TRDMT1: variants seen among roughly 807,000 people sequenced by gnomAD.
The protein encoded by TRDMT1 is tRNA aspartic acid methyltransferase 1.
TRDMT1 carries 49 observed loss-of-function variants against 51.2 expected under a neutral mutation model. The ratio of observed to expected loss-of-function variants is 0.96; its 90% confidence interval spans 0.76 to 1.21. The LOEUF is 1.21. TRDMT1 is among the 50% of genes most tolerant of loss of function. The probability of loss-of-function intolerance (pLI) is 0.00; values close to 1 mark genes in which losing one functional copy is unlikely to be tolerated. For synonymous variants in TRDMT1, 187 were observed against 164.6 expected (o/e 1.14, Z -1.04); for missense variants, 534 against 462.3 (o/e 1.16, Z -1.42).
At chr10:17,166,112 G>T (rs1324752293) in intron 3 of TRDMT1, among the ~76,000 whole-genome samples, 1 of 152,052 alleles carries the variant, frequency 6.6e-6, no homozygotes, top group African/African-American at 2.4e-5. Context: ...CAAAGACTTG[G>T]AACCAACCCA....
At chr10:17,186,809 A>G (rs373320128) in intron 1 of TRDMT1, among the ~76,000 whole-genome samples, 4 of 152,220 alleles carry the variant, frequency 2.6e-5, no homozygotes, top group African/African-American at 9.6e-5. Context: ...TAATTCGAAC[A>G]AATACTGTAC....
At position 17,148,901 on chromosome 10, in the gene TRDMT1, T is replaced by A; in HGVS notation, c.*139A>T. 1 of 1,288,570 alleles carries A rather than the reference T, an allele frequency of 7.8e-7. No individual in the cohort carries two copies. The allele number at this position is 1,288,570 out of a possible 1,614,324, so 79.8% of individuals were successfully genotyped here. A position where few individuals can be genotyped will look rare whatever the true frequency, so the allele number is the denominator to read the frequency against. The stretch of plus-strand genomic sequence containing the variant: ...TGATGAAACACATGGATTTTTTTAA[T>A]AAAATCCAAATTTCTTAATAAGGAC... On this transcript the variant is annotated 3_prime_UTR_variant, in exon 11 of 11. Transcript: ENST00000377799.
rs955583242 is a variant in TRDMT1, at chr10:17,139,091, G to A, written c.*9949C>T. The A allele has an allele frequency of 2.6e-5, 21 of 816,370 alleles. No individual in the cohort carries two copies. The highest frequency in any genetic ancestry group is 3.1e-5 in the Non-Finnish European group (21 of 675,356). The allele number at this position is 816,370 out of a possible 1,614,324, so 50.6% of individuals were successfully genotyped here. On this transcript the variant is annotated 3_prime_UTR_variant, in exon 11 of 11. Coordinates refer to ENST00000377799, the MANE Select transcript of TRDMT1 (RefSeq NM_004412.7). Reference sequence around the variant, plus strand: ...CTCTACCTCCAACAGCTCCCGGAATGGGGACTTCAGCAGCTCCATTGGATT... The same window carrying A: ...CTCTACCTCCAACAGCTCCCGGAATAGGGACTTCAGCAGCTCCATTGGATT...
In TRDMT1 at chr10:17,143,943, A is replaced by G; in HGVS notation, c.*5097T>C. 1 of 985,472 alleles carries G rather than the reference A, an allele frequency of 1.0e-6. No individual in the cohort carries two copies. Among genetic ancestry groups the G allele is most frequent in the Non-Finnish European group, 1.2e-6 (1 of 829,948 alleles). The allele number at this position is 985,472 out of a possible 1,614,324, so 61.0% of individuals were successfully genotyped here. A position where few individuals can be genotyped will look rare whatever the true frequency, so the allele number is the denominator to read the frequency against. On this transcript the variant is annotated 3_prime_UTR_variant, in exon 11 of 11. Transcript: ENST00000377799. ...GATGCAAATCCGATACAACTTGAAT[A>G]GCAAGATATCCAAGTTAAAAATGTC...
rs539713420 is a variant in TRDMT1 at position 17,172,949 on chromosome 10, C to A, written c.174+1602G>T. ...CAAGTAAAAGATGCATCTTGTAAAC[C>A]CTAGAGAATCCAACAGGAAAATAAA... On this transcript the variant is annotated intron_variant, in intron 2 of 10. Coordinates refer to ENST00000377799, the MANE Select transcript of TRDMT1 (RefSeq NM_004412.7). 1.1e-4 allele frequency among the ~76,000 whole-genome samples: 17 copies of A among 151,770 alleles called. No individual in the cohort carries two copies. The South Asian group carries it at 3.3e-3, about 30-fold the overall frequency.
Position 17,141,681 on chromosome 10 carries a change from A to G in TRDMT1, c.*7359T>C, listed in dbSNP as rs2131348625. Among the ~76,000 whole-genome samples the G allele has an allele frequency of 6.6e-6, 1 of 152,258 alleles. No individual in the cohort carries two copies. Among genetic ancestry groups the G allele is most frequent in the East Asian group, 1.9e-4 (1 of 5,178 alleles). ...AGGTAAATTCTACTGATCCGTCCTT[A>G]GGTTCACTGATTTCTATCTTCTGTC... On this transcript the variant is annotated 3_prime_UTR_variant, in exon 11 of 11. Transcript: ENST00000377799.
At chr10:17,187,924 G>A (rs988362196) in intron 1 of TRDMT1, among the ~76,000 whole-genome samples, 19 of 152,064 alleles carry the variant, frequency 1.2e-4, no homozygotes, top group African/African-American at 4.3e-4. Context: ...AAATGTTTAA[G>A]GATGTAGCCA....
intron 4 of TRDMT1, 44 bp downstream of exon 4, chr10:17,162,122 G>A (rs1388566977): frequency 6.5e-7 from 1 of 1,526,824 alleles, no homozygotes; most frequent in Non-Finnish European, 9.0e-7. Context: ...CAGACCTGGA[G>A]TTTCAAATGA....
In TRDMT1 at chr10:17,201,575, C is replaced by T. The variant is rs747082088; in HGVS notation, c.60G>A (p.Leu20=). ...YSGVGGMHHA[L]RESCIPAQVV... is the part of the protein sequence containing the mutation. ...GGGTGCTAGATGGACTCTCACCTCT[C>T]AGCGCGTGGTGCATGCCGCCCACGC... The change falls in exon 1 of 11, where the codon CTG becomes CTA. Residue 20 remains leucine, a synonymous_variant. Coordinates refer to ENST00000377799, the MANE Select transcript of TRDMT1 (RefSeq NM_004412.7). 6.5e-7 allele frequency: 1 copy of T among 1,549,916 alleles called. No homozygotes were observed. The highest frequency in any genetic ancestry group is 8.7e-7 in the Non-Finnish European group (1 of 1,146,280).
intron 1 of TRDMT1, among the ~76,000 whole-genome samples, chr10:17,175,306 AT>A: frequency 6.6e-6 from 1 of 152,366 alleles, no homozygotes; most frequent in East Asian, 1.9e-4. Flanking sequence ...GGAAATAATT[AT>A]AAAGGAATGC....
At chr10:17,172,713 A>C (rs1435850136) in intron 2 of TRDMT1, among the ~76,000 whole-genome samples, 1 of 152,218 alleles carries the variant, frequency 6.6e-6, no homozygotes, top group Admixed American at 6.5e-5. Flanking sequence ...TATATAGATA[A>C]ATATAAAAGA....
At chr10:17,196,201 T>C (rs2131626752) in intron 1 of TRDMT1, among the ~76,000 whole-genome samples, 1 of 152,332 alleles carries the variant, frequency 6.6e-6, no homozygotes, top group East Asian at 1.9e-4. Flanking sequence ...AAAGAAAATA[T>C]TAAGGCTGAG....
At position 17,149,152 on chromosome 10, in the gene TRDMT1, A is replaced by G. The variant is rs144996492; in HGVS notation, c.1076-12T>C. On this transcript the variant is annotated splice_polypyrimidine_tract_variant and intron_variant, in intron 10 of 10. Transcript: ENST00000377799. ...CTTCTCAGGAAATCCTAAAAAGACA[A>G]AGAACAATTTAAAGAAATCATTTGT... The G allele has an allele frequency of 1.9e-6, 3 of 1,584,394 alleles. No individual in the cohort carries two copies. The East Asian group carries it at 6.7e-5, about 36-fold the overall frequency.
Position 17,146,168 on chromosome 10 carries a change from C to T in TRDMT1, c.*2872G>A, listed in dbSNP as rs931341701. The T allele has an allele frequency of 1.0e-6, 1 of 985,444 alleles. No individual in the cohort carries two copies. The allele number at this position is 985,444 out of a possible 1,614,324, so 61.0% of individuals were successfully genotyped here. ...TTGGATAATTTCAAGCAACAGTTTA[C>T]CCTCAAATTTCTAAAAAAGTGCTGG... On this transcript the variant is annotated 3_prime_UTR_variant, in exon 11 of 11. Transcript: ENST00000377799.
At chr10:17,198,808 G>A (rs2131638953) in intron 1 of TRDMT1, among the ~76,000 whole-genome samples, 1 of 152,280 alleles carries the variant, frequency 6.6e-6, no homozygotes, top group Non-Finnish European at 1.5e-5. Flanking sequence ...TTCATGTTGT[G>A]TTTTACCACA....
chr10:17,147,184 G>A lies in TRDMT1; in HGVS notation c.*1856C>T. The A allele has an allele frequency of 1.0e-6, 1 of 985,806 alleles. No homozygotes were observed. The highest frequency in any genetic ancestry group is 1.2e-6 in the Non-Finnish European group (1 of 829,894). The allele number at this position is 985,806 out of a possible 1,614,324, so 61.1% of individuals were successfully genotyped here. A position where few individuals can be genotyped will look rare whatever the true frequency, so the allele number is the denominator to read the frequency against. On this transcript the variant is annotated 3_prime_UTR_variant, in exon 11 of 11. Transcript: ENST00000377799. ...CCATTTTATTTAGAATATTTCAGCA[G>A]TGAACAGAACCTACATGAAAGTGTG...
chr10:17,141,848 T>A lies in TRDMT1; in HGVS notation c.*7192A>T, dbSNP rs895539689. ...AAGAAATTCATGCCAAGACACATCA[T>A]AATTAAATTTCTGAAAATAAAGTTA... On this transcript the variant is annotated 3_prime_UTR_variant, in exon 11 of 11. Transcript: ENST00000377799. Among the ~76,000 whole-genome samples, 1 of 152,250 alleles carries A rather than the reference T, an allele frequency of 6.6e-6. No individual in the cohort carries two copies. Among genetic ancestry groups the A allele is most frequent in the Non-Finnish European group, 1.5e-5 (1 of 68,052 alleles).
chr10:17,162,891 G>T (rs1452254268), intron 3 of TRDMT1, among the ~76,000 whole-genome samples: 1 of 152,156 alleles, frequency 6.6e-6, no homozygotes, highest in Non-Finnish European at 1.5e-5. Flanking sequence ...AGTCAATGCA[G>T]AATAAAACCA....
Position 17,149,013 on chromosome 10 carries a change from T to C in TRDMT1, c.*27A>G. 6.3e-7 allele frequency: 1 copy of C among 1,576,560 alleles called. No individual in the cohort carries two copies. The highest frequency in any genetic ancestry group is 8.6e-7 in the Non-Finnish European group (1 of 1,161,504). Reference sequence around the variant, plus strand: ...TCTCTGAAAATGAAGGAATATCATATGACCATCTTTCAGAGTTATTTCAAA... The same window carrying C: ...TCTCTGAAAATGAAGGAATATCATACGACCATCTTTCAGAGTTATTTCAAA... On this transcript the variant is annotated 3_prime_UTR_variant, in exon 11 of 11. Transcript: ENST00000377799.
Sources: gnomAD v4.1 joint callset for allele counts (sites outside exome capture counted in the v4.1 genomes callset) on GRCh38, gnomAD v4.1.1 for gene constraint, MANE v1.5 for transcripts, NCBI Gene and HGNC (gene_info 2026-07-23, HGNC 2026-07-21) for gene names.